NELL1: variants seen among roughly 807,000 people sequenced by gnomAD.
NELL1 encodes protein kinase C-binding protein NELL1.
NELL1 carries 76 observed loss-of-function variants against 107.4 expected under a neutral mutation model. The observed-to-expected ratio is 0.71, with a 90% CI of 0.59 to 0.86. The LOEUF (loss-of-function observed/expected upper bound fraction) is 0.86, where lower values mean the gene tolerates loss of function less well. NELL1 is among the 40% of genes least tolerant of loss of function. NELL1 has a pLI of 0.00. For missense variants in NELL1, 1,024 were observed against 1,005.5 expected (o/e 1.02, Z -0.25); for synonymous variants, 353 against 341.2 (o/e 1.03, Z -0.38).
intron 15 of NELL1, among the ~76,000 whole-genome samples, chr11:21,411,416 C>T (rs1477157740): frequency 1.3e-5 from 2 of 151,994 alleles, no homozygotes; most frequent in Non-Finnish European, 2.9e-5. Context: ...TAAGTGGTCA[C>T]ACCTCTATAT....
chr11:20,735,949 C>T (rs1244528896), intron 2 of NELL1, among the ~76,000 whole-genome samples: 1 of 151,916 alleles, frequency 6.6e-6, no homozygotes. Flanking sequence ...GGAAGGAAAT[C>T]CTTGAATAGG....
chr11:21,525,860 C>T (rs1345473067), intron 15 of NELL1, among the ~76,000 whole-genome samples: 1 of 152,184 alleles, frequency 6.6e-6, no homozygotes. Flanking sequence ...TTTATCTCCA[C>T]CTGGCCCCAC....
At chr11:21,558,513 C>CT (rs1364801486) in intron 16 of NELL1, among the ~76,000 whole-genome samples, 2 of 151,864 alleles carry the variant, frequency 1.3e-5, no homozygotes, top group Non-Finnish European at 2.9e-5. Flanking sequence ...GACAATAGAG[C>CT]TTCTTGAATT....
At chr11:21,075,923 G>A (rs1421728614) in intron 12 of NELL1, among the ~76,000 whole-genome samples, 1 of 152,188 alleles carries the variant, frequency 6.6e-6, no homozygotes, top group East Asian at 1.9e-4. Flanking sequence ...AGAACAGTAG[G>A]AATAATTGTT....
At chr11:20,947,275 A>C (rs993460289) in intron 10 of NELL1, 61 bp from the exon 11 acceptor site, 1 of 1,072,414 alleles carries the variant, frequency 9.3e-7, no homozygotes, top group Non-Finnish European at 1.5e-6. Flanking sequence ...GAACATTATA[A>C]GTTTGTTCCA....
intron 12 of NELL1, among the ~76,000 whole-genome samples, chr11:21,083,235 G>A (rs1346298542): frequency 2.0e-5 from 3 of 152,174 alleles, no homozygotes; most frequent in South Asian, 4.1e-4. Flanking sequence ...GATCAGAAGT[G>A]TGGTAGACAA....
At chr11:21,093,862 C>T (rs780001041) in intron 12 of NELL1, among the ~76,000 whole-genome samples, 4 of 152,104 alleles carry the variant, frequency 2.6e-5, no homozygotes, top group South Asian at 2.1e-4. Flanking sequence ...CATGGGAATT[C>T]GAGATGAGAT....
intron 3 of NELL1, among the ~76,000 whole-genome samples, chr11:20,811,647 C>A (rs2134013720): frequency 1.3e-5 from 2 of 152,040 alleles, no homozygotes; most frequent in East Asian, 3.9e-4. Context: ...TTGTAGAGTT[C>A]TTTTACCCCC....
chr11:20,870,009 T>G (rs1017758850), intron 4 of NELL1, among the ~76,000 whole-genome samples: 2 of 152,106 alleles, frequency 1.3e-5, no homozygotes, highest in Non-Finnish European at 2.9e-5. Context: ...TGGAAAGATG[T>G]GGAAAATCAG....
chr11:20,969,052 G>T (rs7935456), intron 12 of NELL1, among the ~76,000 whole-genome samples: 4,125 of 152,112 alleles, frequency 0.027, 180 homozygotes, highest in African/African-American at 0.093. Context: ...AATTATAAGC[G>T]TTTTACTTTT....
intron 15 of NELL1, among the ~76,000 whole-genome samples, chr11:21,414,253 A>G (rs1480884801): frequency 2.0e-5 from 3 of 152,104 alleles, no homozygotes; most frequent in African/African-American, 4.8e-5. Flanking sequence ...GGGTGGGTCA[A>G]GAAAGAAAGA....
At chr11:21,137,389 T>A (rs772030894) in intron 13 of NELL1, among the ~76,000 whole-genome samples, 3 of 152,158 alleles carry the variant, frequency 2.0e-5, no homozygotes, top group Non-Finnish European at 2.9e-5. Flanking sequence ...TGCTAGAGGA[T>A]CATACAGGCT....
intron 12 of NELL1, among the ~76,000 whole-genome samples, chr11:21,020,443 T>G (rs1372161481): frequency 6.6e-6 from 1 of 152,124 alleles, no homozygotes; most frequent in East Asian, 1.9e-4. Context: ...TCTACTATGG[T>G]GGCACCAGAT....
In NELL1 at chr11:21,555,656, G is replaced by C. The variant is rs546001198; in HGVS notation, c.1787-4533G>C. Among the ~76,000 whole-genome samples, 16 of 152,052 alleles carry C rather than the reference G, an allele frequency of 1.1e-4. No individual in the cohort carries two copies. In the South Asian group the frequency reaches 3.3e-3, roughly 32 times the overall value. ...GAAAGGTTTGGGGCTGGAACAGTGA[G>C]TGAAGAGTTAATGCTAAAGGGGTAT... On this transcript the variant is annotated intron_variant, in intron 16 of 19. Coordinates refer to ENST00000357134, the MANE Select transcript of NELL1 (RefSeq NM_006157.5).
At chr11:20,909,638 A>G (rs1220603864) in intron 5 of NELL1, among the ~76,000 whole-genome samples, 2 of 152,026 alleles carry the variant, frequency 1.3e-5, no homozygotes, top group African/African-American at 4.8e-5. Context: ...GTGACTCTCT[A>G]TTGCATGTCA....
intron 8 of NELL1, 125 bp downstream of exon 8, chr11:20,927,567 A>AATT: frequency 2.3e-6 from 2 of 858,454 alleles, no homozygotes; most frequent in Non-Finnish European, 1.7e-6. Context: ...TTTACCTAGC[A>AATT]CCCACTAGCC....
chr11:21,267,332 T>C (rs1848654945), intron 14 of NELL1, among the ~76,000 whole-genome samples: 1 of 152,152 alleles, frequency 6.6e-6, no homozygotes, highest in Non-Finnish European at 1.5e-5. Context: ...TTACTAGTAA[T>C]ACATTTTTAT....
intron 14 of NELL1, among the ~76,000 whole-genome samples, chr11:21,290,918 A>G (rs903645581): frequency 6.6e-6 from 1 of 152,186 alleles, no homozygotes; most frequent in Non-Finnish European, 1.5e-5. Flanking sequence ...AATTCCAAAA[A>G]CAAGAATGCC....
intron 2 of NELL1, among the ~76,000 whole-genome samples, chr11:20,727,375 G>C (rs1281015149): frequency 3.9e-5 from 6 of 152,154 alleles, no homozygotes; most frequent in Admixed American, 3.9e-4. Context: ...TCATTTATCT[G>C]TTGGCTGCAT....
Sources: gnomAD v4.1 joint callset for allele counts (sites outside exome capture counted in the v4.1 genomes callset) on GRCh38, gnomAD v4.1.1 for gene constraint, MANE v1.5 for transcripts, NCBI Gene and HGNC (gene_info 2026-07-23, HGNC 2026-07-21) for gene names.